Variants in ATP6V0D2 observed in about 807,000 individuals in gnomAD.
ATP6V0D2 encodes the protein ATPase H+ transporting V0 subunit d2.
A neutral mutation model predicts 40.0 loss-of-function variants in ATP6V0D2; 40 were observed. The ratio of observed to expected loss-of-function variants is 1.00; its 90% CI spans 0.78 to 1.30. The LOEUF (loss-of-function observed/expected upper bound fraction) is 1.30. Ranked by LOEUF, ATP6V0D2 falls within the 50% of genes most tolerant of loss-of-function variation. ATP6V0D2 has a pLI of 0.00. For missense variants in ATP6V0D2, 470 were observed against 423.1 expected (o/e 1.11, Z -0.97); for synonymous variants, 179 against 156.3 (o/e 1.15, Z -1.08).
chr8:86,121,914 A>G (rs1818676592), intron 2 of ATP6V0D2, among the ~76,000 whole-genome samples: 1 of 152,234 alleles, frequency 6.6e-6, no homozygotes, highest in African/African-American at 2.4e-5. Flanking sequence ...TGCACATTTT[A>G]TGAGATATAA....
rs59120440 is a variant in ATP6V0D2, at chr8:86,153,753, T to TTTTTG, written c.*795_*799dup. 38,685 of 151,412 alleles carry TTTTTG rather than the reference T, an allele frequency of 0.26. 5,402 individuals are homozygous for TTTTTG. The highest frequency in any genetic ancestry group is 0.31 in the Admixed American group (4,630 of 15,156). The allele number at this position is 151,412 out of a possible 1,614,324, so 9.4% of individuals were successfully genotyped here. A position where few individuals can be genotyped will look rare whatever the true frequency, so the allele number is the denominator to read the frequency against. On this transcript the variant is annotated 3_prime_UTR_variant, in exon 8 of 8. Coordinates refer to ENST00000285393, the MANE Select transcript of ATP6V0D2 (RefSeq NM_152565.1). ...GGTTCACAAGTGTTGGAAAATGTGTTTTTTGTTTTGTTTTGTTTTGTTTCG... is the reference window on the plus strand; with the variant it reads ...GGTTCACAAGTGTTGGAAAATGTGTTTTTTGTTTTGTTTTGTTTTGTTTTGTTTCG...
chr8:86,136,762 A>C (rs953148), intron 2 of ATP6V0D2, among the ~76,000 whole-genome samples: 131,855 of 152,136 alleles, frequency 0.87, 57,428 homozygotes, highest in African/African-American at 0.94. Context: ...GGAAGTCTGT[A>C]CCCCATGCAG....
intron 5 of ATP6V0D2, among the ~76,000 whole-genome samples, chr8:86,149,379 T>C (rs1370113000): frequency 1.3e-5 from 2 of 152,238 alleles, no homozygotes; most frequent in Non-Finnish European, 2.9e-5. Context: ...GATGAAGGGA[T>C]ACGAGCCCAG....
chr8:86,139,150 C>T (rs1937381957), intron 2 of ATP6V0D2, among the ~76,000 whole-genome samples: 1 of 151,268 alleles, frequency 6.6e-6, no homozygotes, highest in Non-Finnish European at 1.5e-5. Context: ...ATCACTTGAA[C>T]CCAGGAGGCG....
rs1221218013 is a variant in ATP6V0D2, at chr8:86,145,181, AGAAAGAAAGAAAG to A, written c.639+2228_639+2240del. Among the ~76,000 whole-genome samples the A allele has an allele frequency of 6.8e-4, 9 of 13,266 alleles. No homozygotes were observed. The East Asian group carries it at 9.9e-3, about 15-fold the overall frequency. The allele number at this position is 13,266 out of a possible 152,430, so 8.7% of individuals were successfully genotyped here. ...GACTCAGAAAGAAAGAGAGAAAGAG[AGAAAGAAAGAAAG>A]AAAAGAAAGAAAGAAAGAAAGAAAG... On this transcript the variant is annotated intron_variant, in intron 5 of 7. Coordinates refer to ENST00000285393, the MANE Select transcript of ATP6V0D2 (RefSeq NM_152565.1).
At chr8:86,129,982 G>GAAAAAAAAAAAA (rs869058078) in intron 2 of ATP6V0D2, among the ~76,000 whole-genome samples, 3 of 92,878 alleles carry the variant, frequency 3.2e-5, no homozygotes, top group Non-Finnish European at 4.5e-5. Context: ...GTCTCGAAAA[G>GAAAAAAAAAAAA]AAAAAAAAAA....
chr8:86,107,608 A>G (rs1818484381), intron 1 of ATP6V0D2, among the ~76,000 whole-genome samples: 1 of 152,338 alleles, frequency 6.6e-6, no homozygotes, highest in African/African-American at 2.4e-5. Flanking sequence ...AAATTTTATA[A>G]AAGTTGTTTT....
chr8:86,137,499 C>A (rs1298988621), intron 2 of ATP6V0D2, among the ~76,000 whole-genome samples: 1 of 152,162 alleles, frequency 6.6e-6, no homozygotes, highest in Non-Finnish European at 1.5e-5. Flanking sequence ...TTAAACTAAC[C>A]CCTCCTGACC....
At chr8:86,150,371 C>A in intron 6 of ATP6V0D2, 83 bp downstream of exon 6, 1 of 1,333,898 alleles carries the variant, frequency 7.5e-7, no homozygotes, top group Non-Finnish European at 1.0e-6. Flanking sequence ...CAAATTTCCG[C>A]TTATACTCAA....
At chr8:86,113,466 A>C (rs549613106) in intron 1 of ATP6V0D2, among the ~76,000 whole-genome samples, 11 of 152,308 alleles carry the variant, frequency 7.2e-5, no homozygotes, top group Admixed American at 7.2e-4. Flanking sequence ...TGGGCTACAG[A>C]GGGAGACTCC....
chr8:86,147,442 C>A (rs1313250694), intron 5 of ATP6V0D2, among the ~76,000 whole-genome samples: 1 of 152,176 alleles, frequency 6.6e-6, no homozygotes, highest in Non-Finnish European at 1.5e-5. Flanking sequence ...CCAACATACA[C>A]CATACCACAC....
chr8:86,146,919 AC>A (rs1414447779), intron 5 of ATP6V0D2, among the ~76,000 whole-genome samples: 4 of 152,084 alleles, frequency 2.6e-5, no homozygotes, highest in Non-Finnish European at 5.9e-5. Flanking sequence ...TTGGCCAGAG[AC>A]TTCAAGAGAC....
intron 1 of ATP6V0D2, among the ~76,000 whole-genome samples, chr8:86,103,907 C>A (rs1327726085): frequency 6.6e-6 from 1 of 152,086 alleles, no homozygotes; most frequent in Non-Finnish European, 1.5e-5. Flanking sequence ...CTCACTGCAA[C>A]CTCTGCCTCC....
At chr8:86,099,802 T>A (rs142622035) in intron 1 of ATP6V0D2, among the ~76,000 whole-genome samples, 45 of 152,330 alleles carry the variant, frequency 3.0e-4, no homozygotes, top group African/African-American at 9.1e-4. Flanking sequence ...CAGATTCTTA[T>A]ACATTTTAAA....
intron 1 of ATP6V0D2, among the ~76,000 whole-genome samples, chr8:86,109,054 A>T (rs906391485): frequency 2.6e-5 from 4 of 152,200 alleles, no homozygotes; most frequent in African/African-American, 9.6e-5. Flanking sequence ...AAAGGAAAAA[A>T]CACCATTTGC....
intron 2 of ATP6V0D2, among the ~76,000 whole-genome samples, chr8:86,127,292 T>C (rs1362840124): frequency 6.6e-6 from 1 of 152,206 alleles, no homozygotes; most frequent in African/African-American, 2.4e-5. Context: ...TGTTTACCAA[T>C]GTAATCAAGG....
At chr8:86,127,413 C>T (rs1293281927) in intron 2 of ATP6V0D2, among the ~76,000 whole-genome samples, 1 of 151,830 alleles carries the variant, frequency 6.6e-6, no homozygotes, top group Non-Finnish European at 1.5e-5. Flanking sequence ...GTGCCTTTCA[C>T]ACACACACAC....
chr8:86,126,236 C>CCATATATATATATATATATATA (rs1331651271), intron 2 of ATP6V0D2, among the ~76,000 whole-genome samples: 3 of 77,120 alleles, frequency 3.9e-5, no homozygotes, highest in Non-Finnish European at 5.9e-5. Flanking sequence ...CGTGCTCAGC[C>CCATATATATATATATATATATA]TATATATATA....
At chr8:86,104,716 T>G (rs999676515) in intron 1 of ATP6V0D2, among the ~76,000 whole-genome samples, 1 of 152,122 alleles carries the variant, frequency 6.6e-6, no homozygotes, top group Non-Finnish European at 1.5e-5. Context: ...AATTTCAAAA[T>G]AACATATGGG....
Sources: gnomAD v4.1 joint callset for allele counts (sites outside exome capture counted in the v4.1 genomes callset) on GRCh38, gnomAD v4.1.1 for gene constraint, MANE v1.5 for transcripts, NCBI Gene and HGNC (gene_info 2026-07-23, HGNC 2026-07-21) for gene names.